The following PPM1G variants were observed in gnomAD, a reference collection of about 807,000 sequenced individuals.
PPM1G encodes protein phosphatase, Mg2+/Mn2+ dependent 1G.
Under a neutral mutation model 59.4 loss-of-function variants are expected in PPM1G, and 12 were observed. The observed-to-expected ratio is 0.20, with a 90% CI of 0.13 to 0.33. The LOEUF (loss-of-function observed/expected upper bound fraction) is 0.33. Ranked by LOEUF, PPM1G falls within the 10% of genes least tolerant of loss-of-function variation. The pLI is 1.00. For missense variants in PPM1G, 392 were observed against 681.3 expected, an observed-to-expected ratio of 0.58 and a Z score of 4.73; for synonymous variants, 245 against 251.9, an observed-to-expected ratio of 0.97 and a Z score of 0.26.
chr2:27,383,987 C>T lies in PPM1G; in HGVS notation c.931G>A (p.Glu311Lys). The T allele has an allele frequency of 6.4e-7, 1 of 1,551,082 alleles. No homozygotes were observed. Among genetic ancestry groups the T allele is most frequent in the Non-Finnish European group, 8.7e-7 (1 of 1,145,842 alleles). Residue 311 changes from glutamate to lysine, a missense_variant, in exon 6 of 10, where the codon GAG becomes AAG. Transcript: ENST00000344034. This position sits in a 1 kb window ranked among gnomAD's most constrained non-coding sequence, Gnocchi z 5.0. ...CCTTCCATCCCTGGCACCATCATCT[C>T]TTCTTCTTCTTCTTCATCGTCCTCT... is the stretch of plus-strand genomic sequence containing the variant. The part of the protein sequence containing the change: ...AEEDDEEEEE[E>K]MMVPGMEGKE...
intron 1 of PPM1G, among the ~76,000 whole-genome samples, chr2:27,390,553 C>T (rs992393139): frequency 3.4e-4 from 51 of 151,972 alleles, no homozygotes; most frequent in African/African-American, 9.4e-4. Flanking sequence ...GACCTCATCT[C>T]AACAACAACA....
At chr2:27,399,715 T>C (rs1684139754) in intron 1 of PPM1G, among the ~76,000 whole-genome samples, 1 of 152,206 alleles carries the variant, frequency 6.6e-6, no homozygotes, top group South Asian at 2.1e-4. Context: ...CCATTAGTTA[T>C]TATAAAAAAG....
chr2:27,409,372 C>T lies in PPM1G; in HGVS notation c.51G>A (p.Gly17=). The T allele has an allele frequency of 6.5e-7, 1 of 1,541,742 alleles. No individual in the cohort carries two copies. The highest frequency in any genetic ancestry group is 1.2e-5 in the South Asian group (1 of 83,538). ...QPNTVKCSGD[G]VGAPRLPLPY... ...GCAGCGGCAGGCGCGGGGCGCCGAC[C>T]CCGTCCCCGGAGCACTTCACCGTGT... Residue 17 remains glycine, a synonymous_variant, in exon 1 of 10, where the codon GGG becomes GGA. Transcript: ENST00000344034.
chr2:27,397,303 T>C (rs1321941289), intron 1 of PPM1G, among the ~76,000 whole-genome samples: 2 of 120,086 alleles, frequency 1.7e-5, no homozygotes, highest in African/African-American at 8.3e-5. Context: ...AACTCTCCCA[T>C]CACATAGAAA....
At chr2:27,404,392 CA>C (rs1372891624) in intron 1 of PPM1G, among the ~76,000 whole-genome samples, 1 of 150,024 alleles carries the variant, frequency 6.7e-6, no homozygotes, top group East Asian at 2.0e-4. Flanking sequence ...ACTAAAAATA[CA>C]AAAAAAAATT....
At chr2:27,386,132 AG>A in intron 3 of PPM1G, 61 bp downstream of exon 3, 1 of 1,456,516 alleles carries the variant, frequency 6.9e-7, no homozygotes, top group South Asian at 1.2e-5. Context: ...GAAAAGCCCA[AG>A]GGCTAGAGAA....
rs771305926 is a variant in PPM1G, at chr2:27,386,176, C to G, written c.276+18G>C. ...AAAGCCTACACAAGTGAGGAATGGGCGGTGTAAGCAGACAGACCTTCTGTA... is the reference window on the plus strand; with the variant it reads ...AAAGCCTACACAAGTGAGGAATGGGGGGTGTAAGCAGACAGACCTTCTGTA... On this transcript the variant is annotated intron_variant, in intron 3 of 9. Transcript: ENST00000344034. 1.9e-6 allele frequency: 3 copies of G among 1,592,380 alleles called. No homozygotes were observed. In the East Asian group the frequency reaches 6.7e-5, roughly 36 times the overall value.
chr2:27,383,662 T>A lies in PPM1G; in HGVS notation c.967-62A>T. ...GAACATGCGTTCCTCACTGATGTGC[T>A]CCTGATCGTTCACCTATGCTTGCTT... On this transcript the variant is annotated intron_variant, in intron 6 of 9. Coordinates refer to ENST00000344034, the MANE Select transcript of PPM1G (RefSeq NM_177983.3). This position sits in a 1 kb window ranked among gnomAD's most constrained non-coding sequence, Gnocchi z 5.0. 1.4e-6 allele frequency: 2 copies of A among 1,457,732 alleles called. No individual in the cohort carries two copies. The highest frequency in any genetic ancestry group is 2.5e-5 in the East Asian group (1 of 40,730). 90.3% of individuals were successfully genotyped at this position (1,457,732 alleles called of 1,614,324 possible).
Position 27,384,861 on chromosome 2 carries a change from C to CTTGT in PPM1G, c.636_637insACAA (p.Gly213ThrfsTer12), listed in dbSNP as rs779348619. The CTTGT allele has an allele frequency of 4.3e-6, 7 of 1,614,234 alleles. No individual in the cohort carries two copies. In the African/African-American group the frequency reaches 6.7e-5, roughly 15 times the overall value. On this transcript the variant is annotated frameshift_variant, in exon 5 of 10. Transcript: ENST00000344034. LOFTEE classifies it high-confidence loss of function. The surrounding 1 kb of genome is among the most constrained non-coding windows in gnomAD (Gnocchi z 4.8). ...CCACGTTCCGAGTTGGAGGAAAAGC[C>CTTGT]TGTGTAGGCCTTGGCTGTGGGGCCA...
intron 1 of PPM1G, among the ~76,000 whole-genome samples, chr2:27,407,069 G>A (rs1363263156): frequency 6.6e-6 from 1 of 151,018 alleles, no homozygotes; most frequent in Non-Finnish European, 1.5e-5. Context: ...GGATTCAAGC[G>A]ATTCTCCTGC....
intron 1 of PPM1G, chr2:27,393,081 C>A (rs188832269): frequency 3.2e-6 from 4 of 1,257,306 alleles, no homozygotes; most frequent in East Asian, 2.3e-5. Flanking sequence ...GCTCTCCCAT[C>A]GCATTCTCCC....
chr2:27,385,523 A>G lies in PPM1G; in HGVS notation c.409+224T>C. The G allele has an allele frequency of 1.8e-6, 1 of 540,656 alleles. No homozygotes were observed. The highest frequency in any genetic ancestry group is 3.1e-6 in the Non-Finnish European group (1 of 323,532). 33.5% of individuals were successfully genotyped at this position (540,656 alleles called of 1,614,324 possible). A position where few individuals can be genotyped will look rare whatever the true frequency, so the allele number is the denominator to read the frequency against. The stretch of plus-strand genomic sequence containing the variant: ...AGGAAGACCCCATCACAATGACAAA[A>G]GATAATGTATATACAATGCTTACAG... On this transcript the variant is annotated intron_variant, in intron 4 of 9. Transcript: ENST00000344034. The surrounding 1 kb of genome is among the most constrained non-coding windows in gnomAD (Gnocchi z 4.1).
chr2:27,394,087 G>T (rs1359414802), intron 1 of PPM1G, among the ~76,000 whole-genome samples: 1 of 150,426 alleles, frequency 6.6e-6, no homozygotes, highest in Non-Finnish European at 1.5e-5. Context: ...AGCAGAGATG[G>T]GGTTTCACCA....
At chr2:27,387,592 G>A (rs540660584) in intron 1 of PPM1G, among the ~76,000 whole-genome samples, 18 of 151,506 alleles carry the variant, frequency 1.2e-4, no homozygotes, top group South Asian at 2.1e-4. Flanking sequence ...CCTCCGCCTC[G>A]TGGGTTCAAG....
intron 1 of PPM1G, among the ~76,000 whole-genome samples, chr2:27,402,763 C>T (rs936939324): frequency 2.0e-5 from 3 of 150,274 alleles, no homozygotes; most frequent in Non-Finnish European, 4.4e-5. Context: ...GCTGAGACCG[C>T]GCAACTGCAC....
At chr2:27,388,326 T>C (rs987207665) in intron 1 of PPM1G, among the ~76,000 whole-genome samples, 2 of 151,558 alleles carry the variant, frequency 1.3e-5, no homozygotes, top group African/African-American at 2.4e-5. Flanking sequence ...GGAGAATCAC[T>C]TGAACCCCGG....
intron 1 of PPM1G, 29 bp downstream of exon 1, chr2:27,409,274 G>A (rs1030907582): frequency 4.5e-6 from 7 of 1,546,564 alleles, no homozygotes; most frequent in African/African-American, 4.2e-5. Flanking sequence ...GCCCCGCAGC[G>A]GCCAGCCTAT....
At chr2:27,397,411 TA>T in intron 1 of PPM1G, among the ~76,000 whole-genome samples, 3 of 152,206 alleles carry the variant, frequency 2.0e-5, no homozygotes, top group African/African-American at 7.2e-5. Context: ...CAATATCTCT[TA>T]TGAATATAGA....
rs191326295 is a variant in PPM1G, at chr2:27,405,475, G to A, written c.120+3828C>T. Among the ~76,000 whole-genome samples the A allele has an allele frequency of 5.9e-5, 9 of 151,946 alleles. No individual in the cohort carries two copies. The East Asian group carries it at 1.4e-3, about 23-fold the overall frequency. On this transcript the variant is annotated intron_variant, in intron 1 of 9. Transcript: ENST00000344034. ...GTGGTTTTTTTGTTTGTTTTTTTGA[G>A]ACGGAGTCTGTCACCCTGGCTAGAG... is the stretch of plus-strand genomic sequence containing the variant.
Sources: gnomAD v4.1 joint callset for allele counts (sites outside exome capture counted in the v4.1 genomes callset) on GRCh38, gnomAD v4.1.1 for gene constraint, Gnocchi (gnomAD v3.1) non-coding constraint, MANE v1.5 for transcripts, NCBI Gene and HGNC (gene_info 2026-07-23, HGNC 2026-07-21) for gene names.